The following DIAPH3 variants were observed in gnomAD, a reference collection of about 807,000 sequenced individuals.
The protein encoded by DIAPH3 is protein diaphanous homolog 3.
Under a neutral mutation model 144.3 loss-of-function variants are expected in DIAPH3, and 117 were observed. The ratio of observed to expected loss-of-function variants is 0.81; its 90% CI spans 0.70 to 0.95. The LOEUF is 0.95. DIAPH3 is among the 40% of genes least tolerant of loss of function. DIAPH3 has a pLI of 0.00. For synonymous variants in DIAPH3, 519 were observed against 488.9 expected, an observed-to-expected ratio of 1.06 and a Z score of -0.81; for missense variants, 1,421 against 1,412.7, an observed-to-expected ratio of 1.01 and a Z score of -0.09.
intron 1 of DIAPH3, among the ~76,000 whole-genome samples, chr13:60,141,036 A>G (rs1436727973): frequency 6.6e-6 from 1 of 152,218 alleles, no homozygotes; most frequent in Non-Finnish European, 1.5e-5. Flanking sequence ...GAATCACTAC[A>G]TCACAAGCAC....
intron 18 of DIAPH3, among the ~76,000 whole-genome samples, 190 bp downstream of exon 18, chr13:59,924,585 T>C (rs1229632994): frequency 6.6e-6 from 1 of 151,970 alleles, no homozygotes; most frequent in Non-Finnish European, 1.5e-5. Context: ...ATTTGTATTT[T>C]CTAATATGCA....
intron 18 of DIAPH3, among the ~76,000 whole-genome samples, chr13:59,920,780 G>C (rs2047469680): frequency 6.6e-6 from 1 of 151,652 alleles, no homozygotes; most frequent in South Asian, 2.1e-4. Flanking sequence ...AACAAAATCA[G>C]AATAAACATC....
chr13:59,870,368 T>C (rs1327758966), intron 21 of DIAPH3, among the ~76,000 whole-genome samples: 3 of 152,124 alleles, frequency 2.0e-5, no homozygotes, highest in Non-Finnish European at 4.4e-5. Context: ...AATATTTTCC[T>C]TATTGCAGCT....
At chr13:60,079,049 A>T (rs1201636241) in intron 4 of DIAPH3, among the ~76,000 whole-genome samples, 7 of 151,912 alleles carry the variant, frequency 4.6e-5, no homozygotes, top group Admixed American at 4.6e-4. Context: ...CAGATGCACG[A>T]GCCAATATGC....
At position 60,163,623 on chromosome 13, in the gene DIAPH3, A is replaced by C. The variant is rs1952404791; in HGVS notation, c.144T>G (p.Ser48Arg). Residue 48 changes from serine to arginine, a missense_variant, in exon 1 of 28, where the codon AGT (serine) becomes AGG (arginine). Physicochemically the swap from Ser to Arg is moderately radical, Grantham distance 110. Transcript: ENST00000400324. ...RKGPQHPPPP[S>R]GPEEPGEKRP... ...GCTTCTCCCCAGGCTCCTCGGGGCC[A>C]CTGGGCGGCGGAGGGTGTTGGGGGC... is the stretch of plus-strand genomic sequence containing the variant. 2.5e-6 allele frequency: 4 copies of C among 1,604,826 alleles called. No homozygotes were observed. In the African/African-American group the frequency reaches 5.4e-5, roughly 21 times the overall value.
chr13:59,950,402 A>G (rs2049038065), intron 17 of DIAPH3, among the ~76,000 whole-genome samples: 1 of 152,060 alleles, frequency 6.6e-6, no homozygotes, highest in Admixed American at 6.6e-5. Context: ...TTGTACGTTC[A>G]CTCATCCATC....
chr13:59,769,838 T>A (rs974435743), intron 27 of DIAPH3, among the ~76,000 whole-genome samples: 1 of 152,150 alleles, frequency 6.6e-6, no homozygotes, highest in African/African-American at 2.4e-5. Flanking sequence ...TTTATTAAAA[T>A]GCATTAATAA....
intron 25 of DIAPH3, among the ~76,000 whole-genome samples, chr13:59,775,068 T>C (rs923688289): frequency 1.3e-5 from 2 of 152,184 alleles, no homozygotes; most frequent in Non-Finnish European, 2.9e-5. Context: ...ACGGATTCAC[T>C]TCAGAGCACT....
Position 60,093,715 on chromosome 13 carries a change from AT to A in DIAPH3, c.407del (p.Asn136MetfsTer20). The A allele has an allele frequency of 6.2e-7, 1 of 1,611,006 alleles. No homozygotes were observed. The stretch of plus-strand genomic sequence containing the variant: ...CCCGCAATGGTGCCTTTTTATCTTC[AT>A]TTAAATTCATATCTTCCTGGAAAAC... ...FEKMMEDMNL[N>X]EDKKAPLREK... On this transcript the variant is annotated frameshift_variant, in exon 4 of 28. Coordinates refer to ENST00000400324, the MANE Select transcript of DIAPH3 (RefSeq NM_001042517.2). LOFTEE classifies it high-confidence loss of function.
intron 1 of DIAPH3, among the ~76,000 whole-genome samples, chr13:60,134,944 A>C (rs1256894847): frequency 6.6e-6 from 1 of 152,158 alleles, no homozygotes; most frequent in African/African-American, 2.4e-5. Context: ...AAAAGACAAT[A>C]AAAATAGATA....
At chr13:59,843,098 T>A (rs2139794300) in intron 22 of DIAPH3, among the ~76,000 whole-genome samples, 1 of 152,342 alleles carries the variant, frequency 6.6e-6, no homozygotes, top group African/African-American at 2.4e-5. Flanking sequence ...ATCCTGAAGC[T>A]ATACCCCTAC....
chr13:59,944,239 G>C (rs2048689532), intron 17 of DIAPH3, among the ~76,000 whole-genome samples: 1 of 151,894 alleles, frequency 6.6e-6, no homozygotes, highest in Non-Finnish European at 1.5e-5. Context: ...GGAGGACTTA[G>C]AAAGTTAAAA....
At chr13:60,106,580 A>C (rs2058427711) in intron 3 of DIAPH3, among the ~76,000 whole-genome samples, 1 of 152,174 alleles carries the variant, frequency 6.6e-6, no homozygotes, top group Non-Finnish European at 1.5e-5. Context: ...CAAAAGTAAA[A>C]AGACAAGACT....
chr13:59,773,430 A>G (rs2038226220), intron 27 of DIAPH3, among the ~76,000 whole-genome samples: 1 of 152,222 alleles, frequency 6.6e-6, no homozygotes, highest in Admixed American at 6.5e-5. Flanking sequence ...AAGTTGTTTT[A>G]CATTTATAAA....
At chr13:60,047,408 A>G (rs1325315731) in intron 4 of DIAPH3, among the ~76,000 whole-genome samples, 1 of 152,190 alleles carries the variant, frequency 6.6e-6, no homozygotes, top group African/African-American at 2.4e-5. Context: ...GTGATAAAGA[A>G]CAAAGTTGGG....
intron 4 of DIAPH3, among the ~76,000 whole-genome samples, chr13:60,047,321 AGTGTT>A (rs2056122370): frequency 6.6e-6 from 1 of 152,172 alleles, no homozygotes; most frequent in African/African-American, 2.4e-5. Context: ...AATCCCATCA[AGTGTT>A]TTGTAGAAAT....
intron 5 of DIAPH3, among the ~76,000 whole-genome samples, chr13:60,039,346 C>T (rs78796250): frequency 0.037 from 5,546 of 151,778 alleles, 133 homozygotes; most frequent in East Asian, 0.075. Flanking sequence ...CTCTATTGTC[C>T]AGGCTGGAGT....
intron 20 of DIAPH3, among the ~76,000 whole-genome samples, chr13:59,906,807 A>G (rs1230138232): frequency 1.3e-5 from 2 of 152,234 alleles, no homozygotes; most frequent in Admixed American, 1.3e-4. Context: ...CTTCAACTGC[A>G]AATTTTTAGG....
intron 20 of DIAPH3, among the ~76,000 whole-genome samples, chr13:59,905,003 T>C (rs1261998195): frequency 2.0e-5 from 3 of 151,914 alleles, no homozygotes; most frequent in East Asian, 3.9e-4. Flanking sequence ...AAAAACAATA[T>C]TAATGATTAT....
Sources: gnomAD v4.1 joint callset for allele counts (sites outside exome capture counted in the v4.1 genomes callset) on GRCh38, gnomAD v4.1.1 for gene constraint, MANE v1.5 for transcripts, NCBI Gene and HGNC (gene_info 2026-07-23, HGNC 2026-07-21) for gene names.